Variants in EPB41L3 observed in about 807,000 individuals in gnomAD.
The protein encoded by EPB41L3 is erythrocyte membrane protein band 4.1 like 3, also known as band 4.1-like protein 3.
Under a neutral mutation model 127.1 loss-of-function variants are expected in EPB41L3, and 57 were observed. The observed-to-expected ratio is 0.45, with a 90% CI of 0.36 to 0.56. EPB41L3 has a LOEUF of 0.56. Ranked by LOEUF, EPB41L3 falls within the 20% of genes least tolerant of loss-of-function variation. The pLI is 0.00. For missense variants in EPB41L3, 1,273 were observed against 1,372.2 expected (o/e 0.93, Z 1.14); for synonymous variants, 572 against 549.5 (o/e 1.04, Z -0.57).
intron 1 of EPB41L3, among the ~76,000 whole-genome samples, chr18:5,538,839 T>C (rs1164082623): frequency 2.6e-5 from 4 of 152,280 alleles, no homozygotes; most frequent in African/African-American, 4.8e-5. Flanking sequence ...TTCCCTGATA[T>C]GGCAAAACCT....
chr18:5,447,448 C>CTTT (rs10694622), intron 3 of EPB41L3, among the ~76,000 whole-genome samples: 2,501 of 114,056 alleles, frequency 0.022, 92 homozygotes, highest in Admixed American at 0.057. Context: ...AGCTAGACTA[C>CTTT]TTTTTTTTTT....
rs147462602 is a variant in EPB41L3, at chr18:5,604,540, G to A, written c.-306+7800C>T. Among the ~76,000 whole-genome samples, 585 of 152,054 alleles carry A rather than the reference G, an allele frequency of 3.8e-3. 6 individuals carry two copies. Among genetic ancestry groups the A allele is most frequent in the African/African-American group, 0.014 (565 of 41,466 alleles). On this transcript the variant is annotated intron_variant, in intron 3 of 21. Coordinates refer to the EPB41L3 transcript ENST00000545076. ...ACAATCTTGGCTCACTGCAACCTCC[G>A]CCTTCCGAGTTCAAGTGATTCTTGT... is the stretch of plus-strand genomic sequence containing the variant.
At chr18:5,488,161 G>A (rs1465818490) in intron 2 of EPB41L3, among the ~76,000 whole-genome samples, 1 of 152,146 alleles carries the variant, frequency 6.6e-6, no homozygotes, top group South Asian at 2.1e-4. Flanking sequence ...CAGGGAAAAA[G>A]AGTTGAAAAT....
chr18:5,470,995 T>C (rs1208005057), intron 3 of EPB41L3, among the ~76,000 whole-genome samples: 1 of 152,140 alleles, frequency 6.6e-6, no homozygotes, highest in African/African-American at 2.4e-5. Flanking sequence ...TCCCTGAGGT[T>C]AGAGCTGACT....
chr18:5,592,808 T>A lies in EPB41L3; in HGVS notation c.-306+19532A>T, dbSNP rs182446782. Among the ~76,000 whole-genome samples, 290 of 152,316 alleles carry A rather than the reference T, an allele frequency of 1.9e-3. 1 individual carries two copies. Among genetic ancestry groups the A allele is most frequent in the South Asian group, 0.013 (65 of 4,820 alleles). On this transcript the variant is annotated intron_variant, in intron 3 of 21. Coordinates refer to the EPB41L3 transcript ENST00000545076. ...AACTGTGCATCATCTTAGGGACCTG[T>A]GGGGGCCTGGAAAGTCAGATCTCTA...
intron 3 of EPB41L3, among the ~76,000 whole-genome samples, chr18:5,593,129 A>G (rs2143588959): frequency 6.6e-6 from 1 of 152,228 alleles, no homozygotes; most frequent in South Asian, 2.1e-4. Flanking sequence ...ACAAAACCAT[A>G]GACCTTTTAC....
At chr18:5,494,523 G>C (rs879539795) in intron 1 of EPB41L3, among the ~76,000 whole-genome samples, 1 of 152,000 alleles carries the variant, frequency 6.6e-6, no homozygotes, top group South Asian at 2.1e-4. Flanking sequence ...CTGTGTATGC[G>C]GTGGGCACCT....
chr18:5,545,516 T>C (rs2093862402), upstream of EPB41L3, among the ~76,000 whole-genome samples: 1 of 152,168 alleles, frequency 6.6e-6, no homozygotes, highest in African/African-American at 2.4e-5. Context: ...GGGAGAAGGT[T>C]GGAAAATTAT....
intron 3 of EPB41L3, among the ~76,000 whole-genome samples, chr18:5,579,292 G>C (rs1368119687): frequency 6.6e-6 from 1 of 152,192 alleles, no homozygotes; most frequent in Non-Finnish European, 1.5e-5. Context: ...GGTGGAGAGA[G>C]AGGATAAGAC....
chr18:5,485,582 T>C (rs1328313830), intron 2 of EPB41L3, among the ~76,000 whole-genome samples: 1 of 152,030 alleles, frequency 6.6e-6, no homozygotes, highest in African/African-American at 2.4e-5. Context: ...CATAATTTTA[T>C]ACCTAGAAAA....
rs576853276 is a variant in EPB41L3, at chr18:5,628,096, C to T, written c.-468+826G>A. Among the ~76,000 whole-genome samples, 288 of 152,332 alleles carry T rather than the reference C, an allele frequency of 1.9e-3. 1 individual carries two copies. The highest frequency in any genetic ancestry group is 3.3e-3 in the Non-Finnish European group (223 of 68,024). ...AACGATATGGGCACACTGGAGCCCA[C>T]CCCGCTCCTACGCCGCAAAGCAGCA... is the stretch of plus-strand genomic sequence containing the variant. On this transcript the variant is annotated intron_variant, in intron 1 of 21. Transcript: ENST00000545076.
At chr18:5,427,815 G>A (rs886841522) in intron 9 of EPB41L3, among the ~76,000 whole-genome samples, 7 of 151,694 alleles carry the variant, frequency 4.6e-5, no homozygotes, top group East Asian at 3.9e-4. Context: ...GCACGATCTC[G>A]GCTCACTGCA....
chr18:5,522,004 A>C (rs1389159880), intron 1 of EPB41L3, among the ~76,000 whole-genome samples: 1 of 152,196 alleles, frequency 6.6e-6, no homozygotes, highest in Non-Finnish European at 1.5e-5. Flanking sequence ...TGCAATTAAA[A>C]ACTATCAACA....
intron 3 of EPB41L3, among the ~76,000 whole-genome samples, chr18:5,555,974 T>C (rs1941001): frequency 0.62 from 93,774 of 152,018 alleles, 29,601 homozygotes; most frequent in Non-Finnish European, 0.68. Context: ...CTTCAAACAT[T>C]GCACCTATGC....
At chr18:5,436,545 A>T (rs998391315) in intron 6 of EPB41L3, among the ~76,000 whole-genome samples, 2 of 150,480 alleles carry the variant, frequency 1.3e-5, no homozygotes, top group Admixed American at 6.7e-5. Flanking sequence ...AGTAGCTGGG[A>T]CTTCAGGCGC....
chr18:5,432,687 A>G (rs1240394538), intron 8 of EPB41L3, among the ~76,000 whole-genome samples: 2 of 152,236 alleles, frequency 1.3e-5, no homozygotes, highest in African/African-American at 4.8e-5. Flanking sequence ...AGCATGACAC[A>G]GAGTCAAAGC....
intron 13 of EPB41L3, among the ~76,000 whole-genome samples, chr18:5,414,297 AG>A (rs1306859630): frequency 1.3e-5 from 2 of 152,222 alleles, no homozygotes; most frequent in Non-Finnish European, 2.9e-5. Flanking sequence ...ATGTATAAAA[AG>A]TTATTTATAT....
At chr18:5,499,895 T>C (rs1024089058) in intron 1 of EPB41L3, among the ~76,000 whole-genome samples, 1 of 151,054 alleles carries the variant, frequency 6.6e-6, no homozygotes, top group Admixed American at 6.6e-5. Context: ...GTTAATCTAG[T>C]GTGAATCTTT....
chr18:5,525,899 C>T (rs1352520434), intron 1 of EPB41L3, among the ~76,000 whole-genome samples: 1 of 152,038 alleles, frequency 6.6e-6, no homozygotes, highest in African/African-American at 2.4e-5. Context: ...GAGAAGATGT[C>T]TTCTATTGGA....
Sources: allele counts gnomAD v4.1 joint callset (sites outside exome capture counted in the v4.1 genomes callset), GRCh38; gene constraint gnomAD v4.1.1; transcripts MANE v1.5; gene names NCBI Gene and HGNC (gene_info 2026-07-23, HGNC 2026-07-21).